The following CRELD2 variants were observed in gnomAD, a reference collection of about 807,000 sequenced individuals.
CRELD2 encodes CRELD disulfide isomerase 2.
CRELD2 carries 33 observed loss-of-function variants against 48.1 expected under a neutral mutation model. The ratio of observed to expected loss-of-function variants is 0.69; its 90% CI spans 0.52 to 0.92. CRELD2 has a LOEUF of 0.92. Ranked by LOEUF, CRELD2 falls within the 40% of genes least tolerant of loss-of-function variation. The pLI is 0.00. For synonymous variants in CRELD2, 220 were observed against 203.9 expected, an observed-to-expected ratio of 1.08 and a Z score of -0.67; for missense variants, 477 against 482.4, an observed-to-expected ratio of 0.99 and a Z score of 0.10.
At position 49,922,697 on chromosome 22, in the gene CRELD2, C is replaced by G. The variant is rs774822691; in HGVS notation, c.678C>G (p.Gly226=). Residue 226 remains glycine, a synonymous_variant, in exon 6 of 10, where the codon GGC becomes GGG. Coordinates refer to ENST00000328268, the MANE Select transcript of CRELD2 (RefSeq NM_024324.5). ...AAGTGGGCTGGGTGCTGGACGAGGGCGCCTGTGTGGGTGAGGAGCGGCCCG... is the reference window on the plus strand; with the variant it reads ...AAGTGGGCTGGGTGCTGGACGAGGGGGCCTGTGTGGGTGAGGAGCGGCCCG... ...ECEVGWVLDE[G]ACVDVDECAA... 1.3e-6 allele frequency: 2 copies of G among 1,506,848 alleles called. No individual in the cohort carries two copies. Among genetic ancestry groups the G allele is most frequent in the African/African-American group, 1.7e-5 (1 of 60,458 alleles). The allele number at this position is 1,506,848 out of a possible 1,614,324, so 93.3% of individuals were successfully genotyped here. A position where few individuals can be genotyped will look rare whatever the true frequency, so the allele number is the denominator to read the frequency against.
intron 8 of CRELD2, 42 bp downstream of exon 8, chr22:49,924,497 C>A: frequency 7.0e-7 from 1 of 1,422,936 alleles, no homozygotes; most frequent in East Asian, 2.4e-5. Flanking sequence ...GGACCCTTCC[C>A]AAGTGACCAT....
At chr22:49,920,268 A>G (rs2060670295) in intron 4 of CRELD2, 21 bp downstream of exon 4, 1 of 1,514,826 alleles carries the variant, frequency 6.6e-7, no homozygotes, top group East Asian at 2.3e-5. Context: ...CCTCAGGGAA[A>G]TCCCATCTCC....
chr22:49,924,065 A>C, intron 7 of CRELD2: 1 of 282,742 alleles, frequency 3.5e-6, no homozygotes, highest in Non-Finnish European at 6.8e-6. Context: ...CTGGCAAACC[A>C]ATGGTCACCG....
rs760315437 is a variant in CRELD2 at position 49,925,713 on chromosome 22, G to T, written c.1009+156G>T. 52 of 1,450,148 alleles carry T rather than the reference G, an allele frequency of 3.6e-5. No individual in the cohort carries two copies. The African/African-American group carries it at 6.0e-4, about 17-fold the overall frequency. The allele number at this position is 1,450,148 out of a possible 1,614,324, so 89.8% of individuals were successfully genotyped here. On this transcript the variant is annotated intron_variant, in intron 9 of 9. Coordinates refer to ENST00000328268, the MANE Select transcript of CRELD2 (RefSeq NM_024324.5). Reference sequence around the variant, plus strand: ...GACAGGTGCATGACATCTCTGTGTGGGCACGCTTGCGCGAGAGGTACTGGC... The same window carrying T: ...GACAGGTGCATGACATCTCTGTGTGTGCACGCTTGCGCGAGAGGTACTGGC...
At chr22:49,919,167 C>A in intron 1 of CRELD2, 63 bp from the exon 2 acceptor site, 1 of 990,802 alleles carries the variant, frequency 1.0e-6, no homozygotes, top group Non-Finnish European at 1.4e-6. Context: ...TCGACCTGGG[C>A]TCGCCCCCAC....
Position 49,927,287 on chromosome 22 carries a change from C to G in CRELD2, c.1042C>G (p.Pro348Ala), listed in dbSNP as rs148204821. The stretch of plus-strand genomic sequence containing the variant: ...AGAAGGAGAAAGCCCGACACAGCTG[C>G]CCTCCCGCGAAGACCTGTAATGTGC... Reference protein sequence around the residue: ...ATEGESPTQLPSREDL With the variant: ...ATEGESPTQLASREDL Residue 348 changes from proline (P) to alanine (A), a missense_variant, in exon 10 of 10, where the codon CCC (proline) becomes GCC (alanine). Pro to Ala is a conservative substitution (Grantham distance 27). Coordinates refer to ENST00000328268, the MANE Select transcript of CRELD2 (RefSeq NM_024324.5). 25 of 1,612,212 alleles carry G rather than the reference C, an allele frequency of 1.6e-5. No homozygotes were observed. Among genetic ancestry groups the G allele is most frequent in the Non-Finnish European group, 2.0e-5 (24 of 1,179,706 alleles).
chr22:49,921,341 C>T, intron 4 of CRELD2: 3 of 537,960 alleles, frequency 5.6e-6, no homozygotes, highest in Non-Finnish European at 6.6e-6. Flanking sequence ...TTGACCTAAA[C>T]GTCATCATGC....
intron 6 of CRELD2, among the ~76,000 whole-genome samples, chr22:49,923,005 G>C (rs1169530084): frequency 6.6e-6 from 1 of 151,898 alleles, no homozygotes; most frequent in Non-Finnish European, 1.5e-5. Flanking sequence ...GCCTGCCCCG[G>C]TTGGCACTGA....
chr22:49,922,102 A>G (rs2146646597), intron 5 of CRELD2: 1 of 676,438 alleles, frequency 1.5e-6, no homozygotes, highest in Non-Finnish European at 2.4e-6. Context: ...GCATCTGTCA[A>G]ATCCCTGCAG....
chr22:49,925,480 C>T lies in CRELD2; in HGVS notation c.932C>T (p.Thr311Ile). Residue 311 changes from threonine (T) to isoleucine (I), a missense_variant, in exon 9 of 10, where the codon ACT (threonine) becomes ATT (isoleucine). Physicochemically the swap from Thr to Ile is moderately conservative, Grantham distance 89. Coordinates refer to ENST00000328268, the MANE Select transcript of CRELD2 (RefSeq NM_024324.5). Reference protein sequence around the residue: ...CVRKNENCYNTPGSYVCVCPD... With the variant: ...CVRKNENCYNIPGSYVCVCPD... ...AGGAAAAACGAAAACTGCTACAATA[C>T]TCCAGGGAGCTACGTCTGTGTGTGT... 1 of 1,614,060 alleles carries T rather than the reference C, an allele frequency of 6.2e-7. No individual in the cohort carries two copies. Among genetic ancestry groups the T allele is most frequent in the Non-Finnish European group, 8.5e-7 (1 of 1,180,010 alleles).
chr22:49,925,450 GT>G lies in CRELD2; in HGVS notation c.903del (p.Cys301TrpfsTer2). On this transcript the variant is annotated frameshift_variant, in exon 9 of 10. Coordinates refer to ENST00000328268, the MANE Select transcript of CRELD2 (RefSeq NM_024324.5). LOFTEE classifies it high-confidence loss of function. The stretch of plus-strand genomic sequence containing the variant: ...GAGTGCTCACTAGCAGAAAAAACCT[GT>G]GTGAGGAAAAACGAAAACTGCTACA... ...VDECSLAEKT[C>X]VRKNENCYNT... 1 of 1,613,542 alleles carries G rather than the reference GT, an allele frequency of 6.2e-7. No homozygotes were observed. Among genetic ancestry groups the G allele is most frequent in the Non-Finnish European group, 8.5e-7 (1 of 1,179,716 alleles).
At chr22:49,919,140 C>T in intron 1 of CRELD2, 90 bp from the exon 2 acceptor site, 1 of 1,341,156 alleles carries the variant, frequency 7.5e-7, no homozygotes, top group Non-Finnish European at 1.1e-6. Context: ...CACCGTGGGC[C>T]TGGAGTCCCC....
intron 1 of CRELD2, 24 bp from the exon 2 acceptor site, chr22:49,919,206 A>C (rs1431011525): frequency 6.2e-7 from 1 of 1,611,776 alleles, no homozygotes; most frequent in Non-Finnish European, 8.5e-7. Context: ...GGTACCAAGC[A>C]CTATGGGCAC....
intron 4 of CRELD2, chr22:49,921,287 T>G (rs1047534395): frequency 1.3e-4 from 54 of 402,744 alleles, no homozygotes; most frequent in Non-Finnish European, 1.9e-4. Context: ...CCGCTCAGCT[T>G]TAGTATCATC....
Position 49,922,640 on chromosome 22 carries a change from G to A in CRELD2, c.621G>A (p.Ser207=), listed in dbSNP as rs138811682. ...GTGACGAGTCCTGCAAGACGTGCTC[G>A]GGCCTGACCAACAGAGACTGCGGCG... is the stretch of plus-strand genomic sequence containing the variant. ...TACDESCKTC[S]GLTNRDCGEC... Residue 207 remains serine, a synonymous_variant, in exon 6 of 10, where the codon TCG becomes TCA. Coordinates refer to ENST00000328268, the MANE Select transcript of CRELD2 (RefSeq NM_024324.5). 2.5e-3 allele frequency: 3,965 copies of A among 1,569,722 alleles called. 3 individuals are homozygous for A. Among genetic ancestry groups the A allele is most frequent in the Non-Finnish European group, 3.2e-3 (3,705 of 1,156,988 alleles).
rs139359125 is a variant in CRELD2, at chr22:49,925,547, G to C, written c.999G>C (p.Pro333=). Residue 333 remains proline, a synonymous_variant, in exon 9 of 10, where the codon CCG becomes CCC. Coordinates refer to ENST00000328268, the MANE Select transcript of CRELD2 (RefSeq NM_024324.5). The stretch of plus-strand genomic sequence containing the variant: ...AAACGGAAGATGCCTGTGTGCCGCC[G>C]GCAGAGGCTGGTGAGTGGCACGGCT... The part of the protein sequence containing the change: ...FEETEDACVP[P]AEAEATEGES... 1 of 1,613,438 alleles carries C rather than the reference G, an allele frequency of 6.2e-7. No homozygotes were observed. The highest frequency in any genetic ancestry group is 1.3e-5 in the African/African-American group (1 of 74,936).
At chr22:49,920,277 CCT>C in intron 4 of CRELD2, 30 bp downstream of exon 4, 1 of 1,416,846 alleles carries the variant, frequency 7.1e-7, no homozygotes, top group Non-Finnish European at 9.9e-7. Context: ...AATCCCATCT[CCT>C]ACGTCACTTC....
Sources: gnomAD v4.1 joint callset for allele counts (sites outside exome capture counted in the v4.1 genomes callset) on GRCh38, gnomAD v4.1.1 for gene constraint, MANE v1.5 for transcripts, NCBI Gene and HGNC (gene_info 2026-07-23, HGNC 2026-07-21) for gene names.